Variants in LRRC7 observed in about 807,000 individuals in gnomAD.
LRRC7 encodes leucine-rich repeat-containing protein 7.
A neutral mutation model predicts 175.7 loss-of-function variants in LRRC7; 23 were observed. The observed-to-expected ratio is 0.13, with a 90% CI of 0.09 to 0.19. The LOEUF (loss-of-function observed/expected upper bound fraction) is 0.19, where lower values mean the gene tolerates loss of function less well. Ranked by LOEUF, LRRC7 falls within the 10% of genes least tolerant of loss-of-function variation. The probability of loss-of-function intolerance (pLI) is 1.00; values close to 1 mark genes in which losing one functional copy is unlikely to be tolerated. For synonymous variants in LRRC7, 685 were observed against 680.9 expected, an observed-to-expected ratio of 1.01 and a Z score of -0.09; for missense variants, 1,354 against 1,904.7, an observed-to-expected ratio of 0.71 and a Z score of 5.38.
chr1:69,812,029 A>G (rs1260940365), intron 4 of LRRC7, among the ~76,000 whole-genome samples: 1 of 152,174 alleles, frequency 6.6e-6, no homozygotes, highest in Non-Finnish European at 1.5e-5. Context: ...TAACACTCAA[A>G]AAAGCCAGAA....
At chr1:69,875,577 G>A (rs1344715812) in intron 7 of LRRC7, among the ~76,000 whole-genome samples, 1 of 151,892 alleles carries the variant, frequency 6.6e-6, no homozygotes, top group Non-Finnish European at 1.5e-5. Flanking sequence ...ACAATCATAA[G>A]TGATTGTAAA....
intron 23 of LRRC7, among the ~76,000 whole-genome samples, chr1:70,065,834 A>G (rs1415707690): frequency 6.6e-6 from 1 of 152,010 alleles, no homozygotes; most frequent in Non-Finnish European, 1.5e-5. Context: ...CAACATCTGA[A>G]ACAAAATGCA....
rs919362065 is a variant in LRRC7, at chr1:70,136,493, T to C, written c.*14606T>C. On this transcript the variant is annotated 3_prime_UTR_variant, in exon 27 of 27. Coordinates refer to ENST00000651989, the MANE Select transcript of LRRC7 (RefSeq NM_001370785.2). Reference sequence around the variant, plus strand: ...ATTCAATTTAATCAACAAATGTTAATGAACAAGGGGTTATGTTCAAAATTC... The same window carrying C: ...ATTCAATTTAATCAACAAATGTTAACGAACAAGGGGTTATGTTCAAAATTC... 6.6e-6 allele frequency among the ~76,000 whole-genome samples: 1 copy of C among 152,222 alleles called. No individual in the cohort carries two copies. The highest frequency in any genetic ancestry group is 1.5e-5 in the Non-Finnish European group (1 of 68,010).
intron 2 of LRRC7, among the ~76,000 whole-genome samples, chr1:69,691,553 T>G (rs1044441850): frequency 1.3e-5 from 2 of 151,948 alleles, no homozygotes; most frequent in Non-Finnish European, 2.9e-5. Flanking sequence ...ATCCCAATGC[T>G]TTGGGAGGCT....
At chr1:69,776,229 T>G (rs1283678282) in intron 3 of LRRC7, among the ~76,000 whole-genome samples, 1 of 152,132 alleles carries the variant, frequency 6.6e-6, no homozygotes, top group Non-Finnish European at 1.5e-5. Context: ...TAATTCTTCT[T>G]CACGTTATAT....
At chr1:70,044,207 G>C (rs1307206840) in intron 22 of LRRC7, 113 bp downstream of exon 22, 8 of 1,098,988 alleles carry the variant, frequency 7.3e-6, no homozygotes, top group Non-Finnish European at 1.0e-5. Context: ...GCTCCTATGA[G>C]TCCAAAAAGC....
At chr1:69,661,226 A>G (rs1380536748) in intron 1 of LRRC7, among the ~76,000 whole-genome samples, 2 of 152,150 alleles carry the variant, frequency 1.3e-5, no homozygotes, top group African/African-American at 2.4e-5. Flanking sequence ...TCCACTGACC[A>G]CTTCAAGCTG....
intron 2 of LRRC7, among the ~76,000 whole-genome samples, chr1:69,734,063 G>A (rs1211191309): frequency 6.6e-6 from 1 of 151,934 alleles, no homozygotes; most frequent in African/African-American, 2.4e-5. Context: ...AAACATTAAG[G>A]TTGGGAGTGT....
intron 2 of LRRC7, among the ~76,000 whole-genome samples, chr1:69,757,003 T>C (rs893460145): frequency 6.6e-6 from 1 of 151,936 alleles, no homozygotes; most frequent in Non-Finnish European, 1.5e-5. Context: ...AAGTTGAAAG[T>C]TATTATGTGT....
chr1:70,117,635 C>T (rs1665947879), intron 26 of LRRC7, among the ~76,000 whole-genome samples: 1 of 152,000 alleles, frequency 6.6e-6, no homozygotes, highest in African/African-American at 2.4e-5. Flanking sequence ...GTAAAATGTT[C>T]CTTCATACTT....
intron 4 of LRRC7, among the ~76,000 whole-genome samples, chr1:69,809,209 C>T (rs1299377496): frequency 3.3e-5 from 5 of 152,074 alleles, no homozygotes; most frequent in Admixed American, 3.3e-4. Context: ...ATACACCCTC[C>T]CAAGTCTAAA....
At chr1:69,980,523 C>T in intron 9 of LRRC7, 70 bp downstream of exon 9, 1 of 1,195,098 alleles carries the variant, frequency 8.4e-7, no homozygotes, top group South Asian at 1.3e-5. Flanking sequence ...ATCATAATCT[C>T]AACTCTTAAA....
At chr1:69,620,659 C>T (rs181404867) in intron 1 of LRRC7, among the ~76,000 whole-genome samples, 22 of 152,268 alleles carry the variant, frequency 1.4e-4, no homozygotes, top group African/African-American at 3.8e-4. Flanking sequence ...ACTGAAAGTT[C>T]GTAATGACTA....
intron 2 of LRRC7, among the ~76,000 whole-genome samples, chr1:69,687,532 A>AG (rs1553139841): frequency 5.3e-4 from 74 of 138,400 alleles, no homozygotes; most frequent in African/African-American, 1.7e-3. Flanking sequence ...AAAAAAAAAA[A>AG]AAAAAAGAAA....
At chr1:69,876,004 GT>G (rs1424534681) in intron 7 of LRRC7, among the ~76,000 whole-genome samples, 9 of 152,074 alleles carry the variant, frequency 5.9e-5, no homozygotes, top group Admixed American at 5.9e-4. Flanking sequence ...TCTCAGGAAC[GT>G]GGGGCATGAT....
At position 69,854,466 on chromosome 1, in the gene LRRC7, G is replaced by A. The variant is rs142773641; in HGVS notation, c.647+16183G>A. On this transcript the variant is annotated intron_variant, in intron 7 of 26. Coordinates refer to ENST00000651989, the MANE Select transcript of LRRC7 (RefSeq NM_001370785.2). ...TGCAATAAGCTAAAATTGTACCATTGCACTCCAGCCTGGGCAACAGAGCAA... is the reference window on the plus strand; with the variant it reads ...TGCAATAAGCTAAAATTGTACCATTACACTCCAGCCTGGGCAACAGAGCAA... Among the ~76,000 whole-genome samples, 1,361 of 152,216 alleles carry A rather than the reference G, an allele frequency of 8.9e-3. 12 individuals carry two copies. The highest frequency in any genetic ancestry group is 0.011 in the Non-Finnish European group (777 of 68,014).
At chr1:70,100,298 T>A (rs888667948) in intron 25 of LRRC7, among the ~76,000 whole-genome samples, 3 of 152,166 alleles carry the variant, frequency 2.0e-5, no homozygotes, top group African/African-American at 7.2e-5. Flanking sequence ...GAAACAGGAA[T>A]AAATTGCTTA....
chr1:69,621,326 G>A (rs1178192558), intron 1 of LRRC7, among the ~76,000 whole-genome samples: 2 of 152,136 alleles, frequency 1.3e-5, no homozygotes, highest in Admixed American at 6.5e-5. Flanking sequence ...GGTAATAGGA[G>A]TGAGCCACCG....
In LRRC7 at chr1:69,919,354, A is replaced by G. The variant is rs532306181; in HGVS notation, c.648-12153A>G. On this transcript the variant is annotated intron_variant, in intron 7 of 26. Transcript: ENST00000651989. Reference sequence around the variant, plus strand: ...TACAAAAACAAGAGCGTGAGGAGGAAAGATGGCGGACGAGGAGAAACTGCC... The same window carrying G: ...TACAAAAACAAGAGCGTGAGGAGGAGAGATGGCGGACGAGGAGAAACTGCC... The G allele has an allele frequency of 1.5e-5, 9 of 606,810 alleles. No individual in the cohort carries two copies. The South Asian group carries it at 1.8e-4, about 12-fold the overall frequency. The allele number at this position is 606,810 out of a possible 1,614,324, so 37.6% of individuals were successfully genotyped here.
Sources: gnomAD v4.1 joint callset for allele counts (sites outside exome capture counted in the v4.1 genomes callset) on GRCh38, gnomAD v4.1.1 for gene constraint, MANE v1.5 for transcripts, NCBI Gene and HGNC (gene_info 2026-07-23, HGNC 2026-07-21) for gene names.